RPN1: variants seen among roughly 807,000 people sequenced by gnomAD.
RPN1 encodes ribophorin I.
In RPN1, 12 loss-of-function variants were observed where a neutral mutation model predicts 55.5. That is an observed-to-expected ratio of 0.22 (90% CI 0.14 to 0.35). The LOEUF (loss-of-function observed/expected upper bound fraction) is 0.35. RPN1 is among the 10% of genes least tolerant of loss of function. The pLI is 1.00. For missense variants in RPN1, 679 were observed against 761.3 expected, an observed-to-expected ratio of 0.89 and a Z score of 1.27; for synonymous variants, 317 against 305.9, an observed-to-expected ratio of 1.04 and a Z score of -0.38.
chr3:128,640,127 G>C (rs924373081), intron 2 of RPN1, among the ~76,000 whole-genome samples: 2 of 151,838 alleles, frequency 1.3e-5, no homozygotes, highest in African/African-American at 4.8e-5. Context: ...AGCCGAGATT[G>C]TGCCACTGCA....
chr3:128,623,990 T>TAC (rs377398264), intron 8 of RPN1, among the ~76,000 whole-genome samples: 16 of 150,822 alleles, frequency 1.1e-4, no homozygotes, highest in East Asian at 5.8e-4. Flanking sequence ...CAGAAATAAT[T>TAC]ACACACACAC....
chr3:128,634,047 C>T (rs1042731679), intron 3 of RPN1, among the ~76,000 whole-genome samples: 3 of 151,322 alleles, frequency 2.0e-5, no homozygotes, highest in South Asian at 2.1e-4. Flanking sequence ...ACAGGCCAGC[C>T]GGGCACAGTG....
chr3:128,621,071 T>C (rs2069554966), intron 9 of RPN1, among the ~76,000 whole-genome samples: 1 of 152,218 alleles, frequency 6.6e-6, no homozygotes, highest in African/African-American at 2.4e-5. Flanking sequence ...GTCACATTCA[T>C]TCAACATTCA....
chr3:128,628,378 CT>C, intron 5 of RPN1, among the ~76,000 whole-genome samples: 1 of 150,978 alleles, frequency 6.6e-6, no homozygotes, highest in South Asian at 2.1e-4. Flanking sequence ...GGAATTAAGG[CT>C]AATTAAGATG....
intron 8 of RPN1, among the ~76,000 whole-genome samples, chr3:128,623,676 A>C (rs1041021617): frequency 6.6e-6 from 1 of 152,208 alleles, no homozygotes; most frequent in Non-Finnish European, 1.5e-5. Flanking sequence ...ATCGGGGGAC[A>C]GTCAGCAAAA....
chr3:128,637,672 T>G (rs1576797000), intron 3 of RPN1, 127 bp downstream of exon 3: 2 of 944,288 alleles, frequency 2.1e-6, no homozygotes. Context: ...TAAACACTTT[T>G]GGGATGACCT....
rs146983075 is a variant in RPN1 at position 128,638,002 on chromosome 3, T to C, written c.430A>G (p.Thr144Ala). 1,086 of 1,614,094 alleles carry C rather than the reference T, an allele frequency of 6.7e-4. 1 individual carries two copies. Among genetic ancestry groups the C allele is most frequent in the Admixed American group, 9.0e-4 (54 of 59,986 alleles). Residue 144 changes from threonine (T) to alanine (A), a missense_variant, in exon 3 of 10, where the codon ACC becomes GCC. By Grantham distance (58) the Thr-to-Ala change is moderately conservative (BLOSUM62 0). Around this residue, in one of 3 missense-constraint regions of RPN1, gnomAD observed 352 missense variants for 352.8 expected, o/e 1.00. Transcript: ENST00000296255. ...VYTHVLHPYP[T>A]QITQSEKQFV... is the part of the protein sequence containing the mutation. ...TGTTTCTCTGACTGGGTGATCTGGG[T>C]TGGATACGGATGAAGCACATGGGTG...
At chr3:128,645,860 C>T (rs574811875) in intron 1 of RPN1, among the ~76,000 whole-genome samples, 6 of 152,126 alleles carry the variant, frequency 3.9e-5, no homozygotes, top group Non-Finnish European at 8.8e-5. Flanking sequence ...ATTACACTTC[C>T]AAATATACTT....
chr3:128,634,679 C>T (rs555374620), intron 3 of RPN1, among the ~76,000 whole-genome samples: 36 of 151,802 alleles, frequency 2.4e-4, no homozygotes, highest in African/African-American at 5.3e-4. Flanking sequence ...TCTCCTGCCT[C>T]GGCCTCTCAA....
At position 128,622,335 on chromosome 3, in the gene RPN1, T is replaced by C; in HGVS notation, c.1470A>G (p.Ile490Met). ...EQVLTLVNKR[I>M]GLYRHFDETV... ...TCTCGTCAAAGTGACGGTAAAGGCCTATTCTCTTGTTGACCAGGGTCAAGA... is the reference window on the plus strand; with the variant it reads ...TCTCGTCAAAGTGACGGTAAAGGCCCATTCTCTTGTTGACCAGGGTCAAGA... Residue 490 changes from isoleucine to methionine, a missense_variant, in exon 9 of 10, where the codon ATA (isoleucine) becomes ATG (methionine). Transcript: ENST00000296255. 6.2e-7 allele frequency: 1 copy of C among 1,614,236 alleles called. No homozygotes were observed. Among genetic ancestry groups the C allele is most frequent in the Non-Finnish European group, 8.5e-7 (1 of 1,180,050 alleles).
chr3:128,637,768 C>G (rs909682949), intron 3 of RPN1, 31 bp downstream of exon 3: 5 of 1,597,616 alleles, frequency 3.1e-6, no homozygotes, highest in African/African-American at 1.3e-5. Context: ...CTGAAGCAGA[C>G]AGGGATGGGC....
At chr3:128,635,773 T>C (rs1362763532) in intron 3 of RPN1, among the ~76,000 whole-genome samples, 4 of 150,040 alleles carry the variant, frequency 2.7e-5, no homozygotes, top group African/African-American at 9.8e-5. Context: ...CGTGTGTGTA[T>C]ATATATAAAT....
chr3:128,646,170 C>T (rs140633626), intron 1 of RPN1, among the ~76,000 whole-genome samples: 4,151 of 140,546 alleles, frequency 0.03, 75 homozygotes, highest in Middle Eastern at 0.052. Context: ...TTGCAGTGAG[C>T]TGAGATCGTG....
intron 5 of RPN1, among the ~76,000 whole-genome samples, 171 bp downstream of exon 5, chr3:128,629,780 T>TA (rs1450813430): frequency 2.6e-5 from 4 of 152,206 alleles, no homozygotes; most frequent in African/African-American, 9.6e-5. Context: ...ATGCATGTAT[T>TA]ACTTTTACAA....
chr3:128,624,923 C>A (rs2069588078), intron 8 of RPN1, among the ~76,000 whole-genome samples: 1 of 152,194 alleles, frequency 6.6e-6, no homozygotes, highest in South Asian at 2.1e-4. Flanking sequence ...GCCTCACCCA[C>A]CTGACTACAA....
At chr3:128,632,774 T>C (rs1238701435) in intron 3 of RPN1, among the ~76,000 whole-genome samples, 1 of 152,154 alleles carries the variant, frequency 6.6e-6, no homozygotes, top group Non-Finnish European at 1.5e-5. Flanking sequence ...TTTGTATTTT[T>C]AGTAGAGATG....
At chr3:128,640,976 T>C (rs771809691) in intron 2 of RPN1, 2 of 152,198 alleles carry the variant, frequency 1.3e-5, no homozygotes, top group Non-Finnish European at 1.5e-5. Flanking sequence ...CTTTCAGCAC[T>C]CCAAGATCAT....
At chr3:128,641,408 C>T (rs575502191) in intron 2 of RPN1, among the ~76,000 whole-genome samples, 1 of 152,204 alleles carries the variant, frequency 6.6e-6, no homozygotes. Flanking sequence ...CCCTACACAG[C>T]TTCACCTTCC....
intron 3 of RPN1, among the ~76,000 whole-genome samples, chr3:128,635,656 TATATATATAG>T (rs2069674934): frequency 1.0e-5 from 1 of 98,292 alleles, no homozygotes; most frequent in Non-Finnish European, 2.1e-5. Context: ...TATATATATA[TATATATATAG>T]ATATCTATAG....
Sources: gnomAD v4.1 joint callset for allele counts (sites outside exome capture counted in the v4.1 genomes callset) on GRCh38, gnomAD v4.1.1 for gene constraint, gnomAD v4.1.1 regional missense constraint, MANE v1.5 for transcripts, NCBI Gene and HGNC (gene_info 2026-07-23, HGNC 2026-07-21) for gene names.